The following TTLL13 variants were observed in gnomAD, a reference collection of about 807,000 sequenced individuals.
The protein encoded by TTLL13 is tubulin tyrosine ligase like 13.
At chr15:90,254,070 G>A in the TTLL13 span, among the ~76,000 whole-genome samples, 1 of 152,192 alleles carries the variant, frequency 6.6e-6, no homozygotes, top group African/African-American at 2.4e-5. Context: ...ACCACTTTGG[G>A]AGGCCAAGGC....
chr15:90,249,792 TCTC>T, the TTLL13 span: 1 of 152,048 alleles, frequency 6.6e-6, no homozygotes, highest in Non-Finnish European at 1.5e-5. Flanking sequence ...GCCCCTCAGC[TCTC>T]CTCGTAACCA....
chr15:90,258,004 A>G, the TTLL13 span: 13 of 1,601,552 alleles, frequency 8.1e-6, no homozygotes, highest in South Asian at 1.1e-5. Context: ...AGTGGCCTAG[A>G]AACTGGCCTT....
At chr15:90,253,138 C>T in the TTLL13 span, 12 of 695,752 alleles carry the variant, frequency 1.7e-5, no homozygotes, top group African/African-American at 2.1e-4. Flanking sequence ...AACTACCTCC[C>T]TCTTCAACCT....
chr15:90,250,357 T>C, the TTLL13 span, among the ~76,000 whole-genome samples: 1 of 152,196 alleles, frequency 6.6e-6, no homozygotes, highest in African/African-American at 2.4e-5. Flanking sequence ...GGCACCCCTG[T>C]GCGTTGTATG....
At chr15:90,255,964 A>G in the TTLL13 span, 1 of 1,604,012 alleles carries the variant, frequency 6.2e-7, no homozygotes, top group East Asian at 2.2e-5. Flanking sequence ...CTTGTGACCT[A>G]GGAATGTCTC....
chr15:90,258,909 G>A, the TTLL13 span: 32 of 1,614,030 alleles, frequency 2.0e-5, no homozygotes, highest in African/African-American at 2.7e-5. Context: ...CAGTGCTACC[G>A]ACAGCCACGA....
the TTLL13 span, chr15:90,263,648 C>T: frequency 5.0e-6 from 3 of 604,206 alleles, no homozygotes; most frequent in Non-Finnish European, 8.9e-6. Context: ...GTGGCCGCGG[C>T]CTAGAAGAGA....
chr15:90,252,958 G>A, the TTLL13 span, among the ~76,000 whole-genome samples: 2 of 152,078 alleles, frequency 1.3e-5, no homozygotes, highest in African/African-American at 2.4e-5. Context: ...AGCCAAGACC[G>A]TGCCACTGCA....
chr15:90,259,990 G>A, the TTLL13 span, among the ~76,000 whole-genome samples: 8 of 152,086 alleles, frequency 5.3e-5, no homozygotes, highest in South Asian at 2.1e-4. Flanking sequence ...GATTCCCCAC[G>A]AGAGCCACAG....
the TTLL13 span, chr15:90,257,583 G>A: frequency 6.5e-7 from 1 of 1,540,486 alleles, no homozygotes; most frequent in Non-Finnish European, 8.9e-7. Flanking sequence ...TGAAGGGCTG[G>A]AGAGGACGGC....
At chr15:90,254,457 C>T in the TTLL13 span, among the ~76,000 whole-genome samples, 1 of 147,214 alleles carries the variant, frequency 6.8e-6, no homozygotes, top group Non-Finnish European at 1.5e-5. Flanking sequence ...TGTGTCATTG[C>T]ACTCCAGCCT....
the TTLL13 span, chr15:90,258,801 C>T: frequency 6.2e-7 from 1 of 1,614,162 alleles, no homozygotes; most frequent in Non-Finnish European, 8.5e-7. Context: ...GTAAAGGATG[C>T]ACTTCTCTGT....
the TTLL13 span, among the ~76,000 whole-genome samples, chr15:90,250,080 C>T: frequency 6.6e-6 from 1 of 151,890 alleles, no homozygotes; most frequent in Non-Finnish European, 1.5e-5. Flanking sequence ...CCCTCAGCCT[C>T]CCGAGTAGCT....
chr15:90,256,535 T>C, the TTLL13 span, among the ~76,000 whole-genome samples: 1 of 151,348 alleles, frequency 6.6e-6, no homozygotes, highest in African/African-American at 2.4e-5. Flanking sequence ...TGTGCCTCTG[T>C]CTCCTTCCTT....
At chr15:90,255,773 G>A in the TTLL13 span, 2 of 1,614,122 alleles carry the variant, frequency 1.2e-6, no homozygotes, top group African/African-American at 2.7e-5. Flanking sequence ...CCACTTCCCT[G>A]GCATGACAGA....
the TTLL13 span, chr15:90,251,028 C>A: frequency 1.7e-6 from 2 of 1,149,806 alleles, no homozygotes; most frequent in Non-Finnish European, 2.4e-6. Flanking sequence ...GTGTCATTAA[C>A]CCTTTGATAC....
At chr15:90,265,236 C>T in the TTLL13 span, 2 of 1,320,816 alleles carry the variant, frequency 1.5e-6, no homozygotes, top group Non-Finnish European at 1.9e-6. Context: ...CTGGGTTTAT[C>T]GCTAGGTGAT....
the TTLL13 span, chr15:90,264,867 T>C: frequency 6.5e-7 from 1 of 1,535,818 alleles, no homozygotes; most frequent in Non-Finnish European, 8.7e-7. Flanking sequence ...CCCTCCATGG[T>C]AAACTCTGAA....
chr15:90,251,469 G>C, the TTLL13 span: 6 of 1,351,438 alleles, frequency 4.4e-6, no homozygotes, highest in Non-Finnish European at 6.4e-6. Context: ...AAGGAATTGT[G>C]TTGTGAATTT....
Sources: gnomAD v4.1 joint callset for allele counts (sites outside exome capture counted in the v4.1 genomes callset) on GRCh38, gnomAD v4.1.1 for gene constraint, MANE v1.5 for transcripts, NCBI Gene and HGNC (gene_info 2026-07-23, HGNC 2026-07-21) for gene names.